Variants in HS6ST2 observed in about 807,000 individuals in gnomAD.
HS6ST2 encodes heparan sulfate 6-O-sulfotransferase 2.
In HS6ST2, 17 loss-of-function variants were observed where a neutral mutation model predicts 33.0. The observed-to-expected ratio is 0.52, with a 90% confidence interval of 0.35 to 0.77. The LOEUF (loss-of-function observed/expected upper bound fraction) is 0.77, where lower values mean the gene tolerates loss of function less well. Among genes scored for constraint, HS6ST2 ranks in the 30% least tolerant of loss-of-function variants. The probability of loss-of-function intolerance (pLI) is 0.01; values close to 1 mark genes in which losing one functional copy is unlikely to be tolerated. For missense variants in HS6ST2, 519 were observed against 551.7 expected, an observed-to-expected ratio of 0.94 and a Z score of 0.59; for synonymous variants, 248 against 237.1, an observed-to-expected ratio of 1.05 and a Z score of -0.42.
At chrX:132,755,535 C>T (rs547620319) in intron 2 of HS6ST2, among the ~76,000 whole-genome samples, 1 of 110,346 alleles carries the variant, frequency 9.1e-6, no homozygotes, top group South Asian at 3.9e-4. Flanking sequence ...AAAATATGGC[C>T]CACAGGATGG....
intron 2 of HS6ST2, among the ~76,000 whole-genome samples, chrX:132,730,491 A>G (rs1450134487): frequency 8.9e-6 from 1 of 112,469 alleles, no homozygotes; most frequent in Non-Finnish European, 1.9e-5. Flanking sequence ...TCCCGAGAAC[A>G]TCTTGATAAG....
chrX:132,888,349 C>T (rs1005308080), intron 2 of HS6ST2, among the ~76,000 whole-genome samples: 2 of 111,358 alleles, frequency 1.8e-5, no homozygotes, highest in African/African-American at 6.5e-5. Flanking sequence ...TGCAGGGGAA[C>T]TCCCATTTAT....
intron 2 of HS6ST2, among the ~76,000 whole-genome samples, chrX:132,812,607 C>G (rs2065360364): frequency 9.5e-6 from 1 of 105,767 alleles, no homozygotes; most frequent in African/African-American, 3.4e-5. Context: ...ATTATTCAAG[C>G]CCTTCTCCCA....
At chrX:132,853,745 G>A (rs748365271) in intron 2 of HS6ST2, among the ~76,000 whole-genome samples, 55 of 111,016 alleles carry the variant, frequency 5.0e-4, no homozygotes, top group African/African-American at 1.6e-3. Flanking sequence ...TACATCAAAA[G>A]CACAAATAGG....
chrX:132,935,177 C>T (rs773548392), intron 2 of HS6ST2, among the ~76,000 whole-genome samples: 17 of 9,332 alleles, frequency 1.8e-3, no homozygotes, highest in African/African-American at 7.7e-3. Flanking sequence ...CTTCATTATC[C>T]CAATTTAAAT....
Position 132,628,083 on chromosome X carries a change from T to A in HS6ST2, c.*140A>T, listed in dbSNP as rs1201975908. 73 of 459,499 alleles carry A rather than the reference T, an allele frequency of 1.6e-4. No individual in the cohort carries two copies. Among genetic ancestry groups the A allele is most frequent in the Non-Finnish European group, 2.3e-4 (61 of 269,282 alleles). The allele number at this position is 459,499 out of a possible 1,213,427, so 37.9% of individuals were successfully genotyped here. A position where few individuals can be genotyped will look rare whatever the true frequency, so the allele number is the denominator to read the frequency against. On this transcript the variant is annotated 3_prime_UTR_variant, in exon 5 of 5. Transcript: ENST00000370833. ...GTATAACACTGAATTGAAAGGCAAC[T>A]GTAAAGGCAACATCTAAACTTTTTT...
chrX:132,798,586 A>G (rs1205660770), intron 2 of HS6ST2, among the ~76,000 whole-genome samples: 1 of 112,213 alleles, frequency 8.9e-6, no homozygotes, highest in East Asian at 2.8e-4. Context: ...CCCCTGAAGC[A>G]TGTCAAAACA....
intron 2 of HS6ST2, among the ~76,000 whole-genome samples, chrX:132,709,812 A>AACACACAC (rs60459374): frequency 0.32 from 29,626 of 91,888 alleles, 3,926 homozygotes; most frequent in Middle Eastern, 0.36. Context: ...GAAAAGACAA[A>AACACACAC]ACACACACAC....
chrX:132,911,212 AT>A (rs2066530889), intron 2 of HS6ST2, among the ~76,000 whole-genome samples: 1 of 109,816 alleles, frequency 9.1e-6, no homozygotes, highest in Non-Finnish European at 1.9e-5. Context: ...GCCTGGTCTC[AT>A]GGGCACATAA....
At chrX:132,780,042 G>A (rs2065004847) in intron 2 of HS6ST2, among the ~76,000 whole-genome samples, 1 of 111,067 alleles carries the variant, frequency 9.0e-6, no homozygotes. Flanking sequence ...GGATGAAGCT[G>A]CCCTTACGGG....
At chrX:132,816,148 T>C (rs985714367) in intron 2 of HS6ST2, among the ~76,000 whole-genome samples, 10 of 111,913 alleles carry the variant, frequency 8.9e-5, no homozygotes, top group Non-Finnish European at 1.7e-4. Context: ...ACAATTTGTG[T>C]GTACTTACCA....
intron 2 of HS6ST2, among the ~76,000 whole-genome samples, chrX:132,943,596 G>A (rs1427978798): frequency 9.0e-6 from 1 of 111,175 alleles, no homozygotes; most frequent in Non-Finnish European, 1.9e-5. Flanking sequence ...GAACATTGAT[G>A]CAAAAATCCT....
intron 2 of HS6ST2, among the ~76,000 whole-genome samples, chrX:132,867,176 G>T (rs2065995154): frequency 9.5e-6 from 1 of 105,713 alleles, no homozygotes; most frequent in African/African-American, 3.5e-5. Context: ...TTTATTGAGA[G>T]TTTTTAGCAT....
chrX:132,728,729 T>A (rs1290396200), intron 2 of HS6ST2, among the ~76,000 whole-genome samples: 1 of 112,226 alleles, frequency 8.9e-6, no homozygotes, highest in East Asian at 2.8e-4. Flanking sequence ...AAACAAGAAA[T>A]TGGAGGAAGC....
chrX:132,745,099 T>A (rs2064624248), intron 2 of HS6ST2, among the ~76,000 whole-genome samples: 2 of 111,460 alleles, frequency 1.8e-5, no homozygotes, highest in South Asian at 3.8e-4. Flanking sequence ...TATTATTATT[T>A]TTTTGAGACA....
At chrX:132,825,912 C>T (rs959459114) in intron 2 of HS6ST2, among the ~76,000 whole-genome samples, 1 of 112,032 alleles carries the variant, frequency 8.9e-6, no homozygotes. Flanking sequence ...CAAGCTGTCT[C>T]CCCCACATGA....
chrX:132,645,328 G>A (rs941215676), intron 4 of HS6ST2, among the ~76,000 whole-genome samples: 4 of 112,699 alleles, frequency 3.5e-5, no homozygotes, highest in African/African-American at 1.3e-4. Context: ...TAGGAGACCA[G>A]CTATTATGCA....
chrX:132,687,130 G>GCCAGTCTTGAGC (rs1569481007), intron 3 of HS6ST2, among the ~76,000 whole-genome samples: 1 of 111,531 alleles, frequency 9.0e-6, no homozygotes, highest in Non-Finnish European at 1.9e-5. Context: ...AGCGCTTTTC[G>GCCAGTCTTGAGC]TTCTTTGCCA....
intron 2 of HS6ST2, among the ~76,000 whole-genome samples, chrX:132,727,782 T>C (rs2064410498): frequency 9.0e-6 from 1 of 111,464 alleles, no homozygotes; most frequent in Non-Finnish European, 1.9e-5. Flanking sequence ...TTAAGTAAAG[T>C]AGTCACTCTC....
Sources: gnomAD v4.1 joint callset for allele counts (sites outside exome capture counted in the v4.1 genomes callset) on GRCh38, gnomAD v4.1.1 for gene constraint, MANE v1.5 for transcripts, NCBI Gene and HGNC (gene_info 2026-07-23, HGNC 2026-07-21) for gene names.